CC2D2A: variants seen among roughly 807,000 people sequenced by gnomAD.
The protein encoded by CC2D2A is coiled-coil and C2 domain-containing protein 2A.
Under a neutral mutation model 212.9 loss-of-function variants are expected in CC2D2A, and 155 were observed. That is an observed-to-expected ratio of 0.73 (90% confidence interval 0.64 to 0.83). The LOEUF is 0.83. Among genes scored for constraint, CC2D2A ranks in the 40% least tolerant of loss-of-function variants. The pLI is 0.00. For synonymous variants in CC2D2A, 667 were observed against 686.5 expected, an observed-to-expected ratio of 0.97 and a Z score of 0.44; for missense variants, 1,856 against 1,956.2, an observed-to-expected ratio of 0.95 and a Z score of 0.97.
In CC2D2A at chr4:15,557,427, A is replaced by G. The variant is rs746549971; in HGVS notation, c.2749A>G (p.Arg917Gly). 6.2e-7 allele frequency: 1 copy of G among 1,613,476 alleles called. No individual in the cohort carries two copies. The highest frequency in any genetic ancestry group is 1.1e-5 in the South Asian group (1 of 91,032). The change falls in exon 21 of 37, where the codon AGA (arginine) becomes GGA (glycine). Residue 917 changes from arginine to glycine, a missense_variant. Coordinates refer to ENST00000424120, the MANE Select transcript of CC2D2A (RefSeq NM_001378615.1). ...CAAACGATTTAGGCTTCTTCATCTT[A>G]GAAGCCAAGAGGTGCCAGAATTCCG... ...RSKRFRLLHL[R>G]SQEVPEFRNY...
At position 15,538,194 on chromosome 4, in the gene CC2D2A, G is replaced by C. The variant is rs915938112; in HGVS notation, c.2003+57G>C. The C allele has an allele frequency of 2.7e-6, 4 of 1,467,106 alleles. No homozygotes were observed. The African/African-American group carries it at 4.2e-5, about 16-fold the overall frequency. The allele number at this position is 1,467,106 out of a possible 1,614,324, so 90.9% of individuals were successfully genotyped here. Reference sequence around the variant, plus strand: ...GACATCTGATACACATGTTCACGTGGGCACATGCACACACACATGCACGAC... The same window carrying C: ...GACATCTGATACACATGTTCACGTGCGCACATGCACACACACATGCACGAC... On this transcript the variant is annotated intron_variant, in intron 16 of 36. Coordinates refer to ENST00000424120, the MANE Select transcript of CC2D2A (RefSeq NM_001378615.1).
intron 1 of CC2D2A, among the ~76,000 whole-genome samples, chr4:15,470,683 CTCTCTCTATATATATATATATA>C (rs759167632): frequency 0.019 from 1,000 of 53,986 alleles, 3 homozygotes; most frequent in East Asian, 0.04. Flanking sequence ...CTCTCTCTCT[CTCTCTCTATATATATATATATA>C]TATATATATA....
At chr4:15,535,407 A>G (rs1436135071) in intron 14 of CC2D2A, among the ~76,000 whole-genome samples, 3 of 151,698 alleles carry the variant, frequency 2.0e-5, no homozygotes, top group African/African-American at 7.3e-5. Flanking sequence ...TAGGCATTTT[A>G]CCCATAAGGT....
chr4:15,529,559 T>C (rs937606053), intron 13 of CC2D2A, among the ~76,000 whole-genome samples: 1 of 152,176 alleles, frequency 6.6e-6, no homozygotes, highest in African/African-American at 2.4e-5. Context: ...CTTGCTTCTT[T>C]ATATACAATG....
chr4:15,478,939 C>G (rs542717294), intron 3 of CC2D2A, 133 bp downstream of exon 3: 2 of 753,592 alleles, frequency 2.7e-6, no homozygotes, highest in Non-Finnish European at 4.5e-6. Flanking sequence ...CTCTGGGGGG[C>G]TGTGAGGCGG....
intron 11 of CC2D2A, among the ~76,000 whole-genome samples, chr4:15,517,214 T>C (rs1716932264): frequency 6.6e-6 from 1 of 152,074 alleles, no homozygotes; most frequent in African/African-American, 2.4e-5. Flanking sequence ...CCCAAAGTGC[T>C]GGGATTACAG....
intron 18 of CC2D2A, 79 bp from the exon 19 acceptor site, chr4:15,553,079 C>G: frequency 7.5e-7 from 1 of 1,330,730 alleles, no homozygotes; most frequent in Non-Finnish European, 1.0e-6. Flanking sequence ...TTCCATTTGT[C>G]TACTATCTGC....
intron 8 of CC2D2A, 24 bp from the exon 9 acceptor site, chr4:15,514,683 T>A (rs780083792): frequency 1.4e-6 from 2 of 1,466,516 alleles, no homozygotes; most frequent in Non-Finnish European, 1.8e-6. Context: ...TGATTTTTTC[T>A]TGTTACTTTT....
At chr4:15,562,545 C>A (rs1719661743) in intron 23 of CC2D2A, among the ~76,000 whole-genome samples, 1 of 152,200 alleles carries the variant, frequency 6.6e-6, no homozygotes, top group Non-Finnish European at 1.5e-5. Flanking sequence ...ACCCCTTCCT[C>A]CTCCCTATAC....
chr4:15,491,292 G>A (rs1008044314), intron 4 of CC2D2A, among the ~76,000 whole-genome samples: 5 of 152,032 alleles, frequency 3.3e-5, no homozygotes, highest in Admixed American at 1.3e-4. Context: ...CTTTACAGTC[G>A]ATGTATAGTG....
intron 4 of CC2D2A, among the ~76,000 whole-genome samples, chr4:15,494,187 C>T (rs1166051763): frequency 6.6e-6 from 1 of 152,194 alleles, no homozygotes; most frequent in Admixed American, 6.5e-5. Flanking sequence ...ACCACCACAA[C>T]AGCATGAGAG....
intron 14 of CC2D2A, among the ~76,000 whole-genome samples, chr4:15,535,469 A>T (rs1420414778): frequency 1.3e-5 from 2 of 151,984 alleles, no homozygotes; most frequent in African/African-American, 4.8e-5. Context: ...CTTTTGGAGT[A>T]CCCTTTTTTC....
At chr4:15,471,938 T>G (rs1385423596) in intron 1 of CC2D2A, among the ~76,000 whole-genome samples, 1 of 152,204 alleles carries the variant, frequency 6.6e-6, no homozygotes, top group Non-Finnish European at 1.5e-5. Context: ...CTTGAAAAAA[T>G]ATATCTGGTT....
At position 15,540,957 on chromosome 4, in the gene CC2D2A, C is replaced by T; in HGVS notation, c.2124C>T (p.His708=). Residue 708 remains histidine, a synonymous_variant, in exon 17 of 37, where the codon CAC becomes CAT. Coordinates refer to ENST00000424120, the MANE Select transcript of CC2D2A (RefSeq NM_001378615.1). ...CACTAGGAGCAGACTTCCGAGTTCA[C>T]TTTGGGCAGATTTTCAATTTGCAAA... ...SRPLGADFRV[H]FGQIFNLQIV... 6.4e-7 allele frequency: 1 copy of T among 1,555,920 alleles called. No homozygotes were observed. The highest frequency in any genetic ancestry group is 8.7e-7 in the Non-Finnish European group (1 of 1,149,574).
At chr4:15,478,865 TCC>T (rs1202909340) in intron 3 of CC2D2A, 59 bp downstream of exon 3, 19 of 1,339,718 alleles carry the variant, frequency 1.4e-5, no homozygotes, top group Admixed American at 2.0e-5. Flanking sequence ...CCCGCCTGCA[TCC>T]CCAGGGCCAT....
chr4:15,569,325 T>G lies in CC2D2A; in HGVS notation c.3431T>G (p.Leu1144Arg). ...APNGDYSTASLQSVKDVVFIN... is the reference protein window; with the variant it reads ...APNGDYSTASRQSVKDVVFIN... ...AATGGAGATTATAGCACAGCCAGTC[T>G]GCAGTCAGTGAAAGATGTTGTGTTC... The change falls in exon 27 of 37, where the codon CTG (leucine) becomes CGG (arginine). Residue 1144 changes from leucine (L) to arginine (R), a missense_variant. Physicochemically the swap from Leu to Arg is moderately radical, Grantham distance 102 (BLOSUM62 -2). Coordinates refer to ENST00000424120, the MANE Select transcript of CC2D2A (RefSeq NM_001378615.1). 6.3e-7 allele frequency: 1 copy of G among 1,583,152 alleles called. No individual in the cohort carries two copies. The highest frequency in any genetic ancestry group is 8.6e-7 in the Non-Finnish European group (1 of 1,162,882).
chr4:15,500,105 GTGTATATATATATA>G (rs1290545049), intron 4 of CC2D2A, among the ~76,000 whole-genome samples: 4 of 66,858 alleles, frequency 6.0e-5, no homozygotes, highest in African/African-American at 1.9e-4. Flanking sequence ...GTGTGTGTGT[GTGTATATATATATA>G]TATATATATA....
intron 29 of CC2D2A, among the ~76,000 whole-genome samples, chr4:15,577,035 C>T (rs1285622911): frequency 6.6e-6 from 1 of 152,212 alleles, no homozygotes; most frequent in Non-Finnish European, 1.5e-5. Context: ...TGCTCTGTCA[C>T]CTAGCTGGAG....
At chr4:15,518,214 T>A (rs1008493659) in intron 11 of CC2D2A, among the ~76,000 whole-genome samples, 2 of 152,170 alleles carry the variant, frequency 1.3e-5, no homozygotes, top group Non-Finnish European at 2.9e-5. Context: ...TAACATCCCA[T>A]CTGAGACAAA....
Sources: allele counts gnomAD v4.1 joint callset (sites outside exome capture counted in the v4.1 genomes callset), GRCh38; gene constraint gnomAD v4.1.1; transcripts MANE v1.5; gene names NCBI Gene and HGNC (gene_info 2026-07-23, HGNC 2026-07-21).